The following TRHDE variants were observed in gnomAD, a reference collection of about 807,000 sequenced individuals.
TRHDE encodes thyrotropin releasing hormone degrading enzyme, also known as thyrotropin-releasing hormone-degrading ectoenzyme.
A neutral mutation model predicts 125.7 loss-of-function variants in TRHDE; 72 were observed. The ratio of observed to expected loss-of-function variants is 0.57; its 90% confidence interval spans 0.47 to 0.70. The LOEUF is 0.70. Ranked by LOEUF, TRHDE falls within the 30% of genes least tolerant of loss-of-function variation. The pLI is 0.00. For synonymous variants in TRHDE, 509 were observed against 509.1 expected, an observed-to-expected ratio of 1.00 and a Z score of 0.00; for missense variants, 1,110 against 1,327.1, an observed-to-expected ratio of 0.84 and a Z score of 2.54.
At chr12:72,121,370 C>T (rs183455366) in intron 2 of TRHDE, among the ~76,000 whole-genome samples, 7 of 152,284 alleles carry the variant, frequency 4.6e-5, no homozygotes, top group Middle Eastern at 3.4e-3. Context: ...ATAGTGGCAG[C>T]GCTTTCTGGA....
chr12:72,148,966 A>G (rs1876290618), intron 2 of TRHDE, among the ~76,000 whole-genome samples: 1 of 152,158 alleles, frequency 6.6e-6, no homozygotes. Context: ...ACGACTTTTC[A>G]CAAGAATGGC....
chr12:72,091,047 AT>A (rs1411715299), intron 1 of TRHDE, among the ~76,000 whole-genome samples: 2 of 151,836 alleles, frequency 1.3e-5, no homozygotes, highest in African/African-American at 4.8e-5. Flanking sequence ...TTTTTATTTT[AT>A]TTTTTTGCAG....
At chr12:72,499,967 G>A (rs1300751964) in intron 6 of TRHDE, among the ~76,000 whole-genome samples, 14 of 152,130 alleles carry the variant, frequency 9.2e-5, no homozygotes. Flanking sequence ...GACCCATATA[G>A]TGACAAATTA....
At chr12:72,344,450 G>T (rs1249152712) in intron 2 of TRHDE, among the ~76,000 whole-genome samples, 2 of 152,120 alleles carry the variant, frequency 1.3e-5, no homozygotes, top group Non-Finnish European at 2.9e-5. Context: ...GGCCTTAAAT[G>T]TGTTGCCTAA....
In TRHDE at chr12:72,119,482, A is replaced by G. The variant is rs144001159; in HGVS notation, n.279+13730A>G. On this transcript the variant is annotated intron_variant and non_coding_transcript_variant, in intron 2 of 4. Transcript: ENST00000548156. ...TATGGTCTATCTTTGAGAATTATCC[A>G]TGTGCTGAGGAGAAGAATGTATATT... Among the ~76,000 whole-genome samples the G allele has an allele frequency of 4.6e-3, 693 of 152,274 alleles. 4 individuals carry two copies. The highest frequency in any genetic ancestry group is 0.015 in the African/African-American group (636 of 41,554).
intron 1 of TRHDE, among the ~76,000 whole-genome samples, chr12:72,278,965 A>AT (rs1257850342): frequency 6.6e-6 from 1 of 151,890 alleles, no homozygotes; most frequent in African/African-American, 2.4e-5. Flanking sequence ...CCGTTTGTCT[A>AT]TTTTTTGCTT....
At chr12:72,532,999 C>A (rs1022919689) in intron 6 of TRHDE, among the ~76,000 whole-genome samples, 1 of 151,860 alleles carries the variant, frequency 6.6e-6, no homozygotes, top group Non-Finnish European at 1.5e-5. Context: ...TTTTCAATTC[C>A]TTTATAGTAC....
chr12:72,238,314 AT>A (rs1393174412), intron 2 of TRHDE, among the ~76,000 whole-genome samples: 6 of 33,752 alleles, frequency 1.8e-4, no homozygotes, highest in African/African-American at 6.2e-4. Context: ...ATATATATAT[AT>A]ATATATACAT....
Position 72,278,981 on chromosome 12 carries a change from G to T in TRHDE, c.914+5424G>T, listed in dbSNP as rs944962194. 4.6e-5 allele frequency among the ~76,000 whole-genome samples: 7 copies of T among 152,154 alleles called. No individual in the cohort carries two copies. The East Asian group carries it at 1.4e-3, about 29-fold the overall frequency. ...CGTTTGTCTATTTTTTGCTTTTGTT[G>T]CCTGTGCAGTTGCCTTTGTTTTTAT... On this transcript the variant is annotated intron_variant, in intron 1 of 18. Transcript: ENST00000261180.
At chr12:72,196,733 T>G (rs2730663) in intron 2 of TRHDE, among the ~76,000 whole-genome samples, 238 of 152,234 alleles carry the variant, frequency 1.6e-3, no homozygotes, top group African/African-American at 5.6e-3. Flanking sequence ...TCCACTTGTG[T>G]GTGATATGCC....
At chr12:72,446,795 A>G (rs553416392) in intron 3 of TRHDE, among the ~76,000 whole-genome samples, 8 of 152,162 alleles carry the variant, frequency 5.3e-5, no homozygotes, top group African/African-American at 1.9e-4. Flanking sequence ...AAAGGGATCA[A>G]TTCAACAAGA....
chr12:72,573,968 C>G, intron 10 of TRHDE, among the ~76,000 whole-genome samples: 1 of 151,856 alleles, frequency 6.6e-6, no homozygotes, highest in East Asian at 1.9e-4. Flanking sequence ...TTTTTATATT[C>G]AGTATACTTT....
At chr12:72,090,799 T>C (rs1321464199) in intron 1 of TRHDE, among the ~76,000 whole-genome samples, 2 of 152,092 alleles carry the variant, frequency 1.3e-5, no homozygotes, top group East Asian at 1.9e-4. Flanking sequence ...ACTTGGCCTA[T>C]TGGTGTGTTG....
chr12:72,418,681 A>T (rs527391721), intron 3 of TRHDE, among the ~76,000 whole-genome samples: 1 of 152,262 alleles, frequency 6.6e-6, no homozygotes, highest in East Asian at 1.9e-4. Context: ...GAGGTACTCA[A>T]AGTGCTTTGC....
At chr12:72,596,422 A>T (rs1871943919) in intron 12 of TRHDE, among the ~76,000 whole-genome samples, 1 of 152,186 alleles carries the variant, frequency 6.6e-6, no homozygotes, top group Admixed American at 6.5e-5. Context: ...TGCACTAGAT[A>T]TATACAACAA....
At chr12:72,098,377 G>A (rs1351955704) in intron 1 of TRHDE, among the ~76,000 whole-genome samples, 1 of 152,110 alleles carries the variant, frequency 6.6e-6, no homozygotes, top group East Asian at 1.9e-4. Context: ...ACCTTGAAAT[G>A]CTGACATTGA....
chr12:72,345,319 T>C (rs1870277710), intron 2 of TRHDE, among the ~76,000 whole-genome samples: 1 of 152,086 alleles, frequency 6.6e-6, no homozygotes, highest in African/African-American at 2.4e-5. Flanking sequence ...ATTTATATGG[T>C]GTATATACTC....
chr12:72,669,677 T>C lies in TRHDE; in HGVS notation c.*6482T>C, dbSNP rs1364224021. 6.6e-6 allele frequency: 1 copy of C among 151,812 alleles called. No homozygotes were observed. Among genetic ancestry groups the C allele is most frequent in the Non-Finnish European group, 1.5e-5 (1 of 67,818 alleles). 9.4% of individuals were successfully genotyped at this position (151,812 alleles called of 1,614,324 possible). On this transcript the variant is annotated 3_prime_UTR_variant, in exon 19 of 19. Coordinates refer to ENST00000261180, the MANE Select transcript of TRHDE (RefSeq NM_013381.3). ...AGAACATTCATTATTAAGTTTTTGC[T>C]ATTAATTTTCATTTAAAATAGGTTT...
intron 2 of TRHDE, chr12:72,257,967 A>C (rs1274197653): frequency 3.3e-5 from 5 of 152,142 alleles, no homozygotes; most frequent in African/African-American, 1.2e-4. Context: ...AGTTGGTCCA[A>C]AGAAGGGGAA....
Sources: gnomAD v4.1 joint callset for allele counts (sites outside exome capture counted in the v4.1 genomes callset) on GRCh38, gnomAD v4.1.1 for gene constraint, MANE v1.5 for transcripts, NCBI Gene and HGNC (gene_info 2026-07-23, HGNC 2026-07-21) for gene names.